The following NCKAP5 variants were observed in gnomAD, a reference collection of about 807,000 sequenced individuals.
The protein encoded by NCKAP5 is NCK associated protein 5.
NCKAP5 carries 92 observed loss-of-function variants against 167.0 expected under a neutral mutation model. That is an observed-to-expected ratio of 0.55 (90% CI 0.47 to 0.66). The LOEUF (loss-of-function observed/expected upper bound fraction) is 0.66. Ranked by LOEUF, NCKAP5 falls within the 30% of genes least tolerant of loss-of-function variation. The probability of loss-of-function intolerance (pLI) is 0.00; values close to 1 mark genes in which losing one functional copy is unlikely to be tolerated. For missense variants in NCKAP5, 2,378 were observed against 2,315.0 expected, an observed-to-expected ratio of 1.03 and a Z score of -0.56; for synonymous variants, 891 against 877.4, an observed-to-expected ratio of 1.02 and a Z score of -0.27.
intron 4 of NCKAP5, among the ~76,000 whole-genome samples, chr2:133,224,416 G>A (rs538565248): frequency 1.3e-5 from 2 of 152,192 alleles, no homozygotes; most frequent in Admixed American, 6.5e-5. Context: ...GAAACTAATC[G>A]CATGTTCCAG....
intron 8 of NCKAP5, among the ~76,000 whole-genome samples, chr2:132,888,517 G>A (rs1692432506): frequency 6.6e-6 from 1 of 151,966 alleles, no homozygotes; most frequent in African/African-American, 2.4e-5. Flanking sequence ...AGCCTCCTGA[G>A]CAGCTGGGAC....
intron 3 of NCKAP5, among the ~76,000 whole-genome samples, chr2:133,312,232 T>C (rs1470412443): frequency 2.0e-5 from 3 of 152,174 alleles, no homozygotes; most frequent in Non-Finnish European, 2.9e-5. Context: ...CATGAGACCA[T>C]TGAAAAGCCT....
chr2:133,504,555 C>A (rs943136416), intron 3 of NCKAP5, among the ~76,000 whole-genome samples: 3 of 152,032 alleles, frequency 2.0e-5, no homozygotes, highest in Non-Finnish European at 4.4e-5. Context: ...ACACTGACTT[C>A]CAATCATGCA....
chr2:133,189,676 A>G (rs937812098), intron 5 of NCKAP5, among the ~76,000 whole-genome samples: 2 of 152,242 alleles, frequency 1.3e-5, no homozygotes, highest in African/African-American at 4.8e-5. Context: ...AGAACAAAAG[A>G]CAAAAATCAC....
At chr2:132,760,893 C>T (rs1680946938) in intron 16 of NCKAP5, among the ~76,000 whole-genome samples, 1 of 152,174 alleles carries the variant, frequency 6.6e-6, no homozygotes, top group Non-Finnish European at 1.5e-5. Context: ...CTTTCAGTTT[C>T]TTCTCTGGAG....
chr2:132,730,705 G>C (rs1314102476), intron 17 of NCKAP5, among the ~76,000 whole-genome samples: 1 of 152,216 alleles, frequency 6.6e-6, no homozygotes, highest in Admixed American at 6.5e-5. Context: ...TTCAGGCATG[G>C]AGTACACAAC....
At chr2:133,560,018 A>T (rs2105012735) in intron 1 of NCKAP5, among the ~76,000 whole-genome samples, 1 of 152,330 alleles carries the variant, frequency 6.6e-6, no homozygotes, top group East Asian at 1.9e-4. Flanking sequence ...ATACCTATAG[A>T]GCCCCCATTG....
At chr2:132,841,200 C>T (rs907618345) in intron 11 of NCKAP5, among the ~76,000 whole-genome samples, 1 of 151,588 alleles carries the variant, frequency 6.6e-6, no homozygotes, top group Non-Finnish European at 1.5e-5. Flanking sequence ...CTTCCAAAAC[C>T]ATGTTAAAAT....
At chr2:133,504,924 A>G (rs1216050164) in intron 3 of NCKAP5, among the ~76,000 whole-genome samples, 2 of 152,088 alleles carry the variant, frequency 1.3e-5, no homozygotes, top group Non-Finnish European at 2.9e-5. Context: ...CCCAAAACTC[A>G]TCTCCCACTG....
At chr2:133,419,474 T>A (rs1287460223) in intron 3 of NCKAP5, among the ~76,000 whole-genome samples, 2 of 152,190 alleles carry the variant, frequency 1.3e-5, no homozygotes, top group Non-Finnish European at 2.9e-5. Flanking sequence ...AAGACATGGT[T>A]AGGTGAGCCA....
intron 4 of NCKAP5, among the ~76,000 whole-genome samples, chr2:133,221,904 C>G (rs1262163071): frequency 2.0e-5 from 3 of 152,160 alleles, no homozygotes; most frequent in Non-Finnish European, 4.4e-5. Context: ...TTGTTCAGCA[C>G]CATGGTCTGC....
chr2:133,156,295 A>C (rs565730693), intron 5 of NCKAP5, among the ~76,000 whole-genome samples: 8 of 152,276 alleles, frequency 5.3e-5, no homozygotes, highest in African/African-American at 1.4e-4. Flanking sequence ...ACCCAGACGC[A>C]TAAGCTCAGC....
At chr2:133,601,434 T>A in the NCKAP5 span, among the ~76,000 whole-genome samples, 1 of 152,186 alleles carries the variant, frequency 6.6e-6, no homozygotes, top group African/African-American at 2.4e-5. Flanking sequence ...CCCAATTTTT[T>A]AAAATTCTAC....
chr2:133,281,570 T>A (rs2089937098), intron 4 of NCKAP5, among the ~76,000 whole-genome samples: 1 of 152,196 alleles, frequency 6.6e-6, no homozygotes, highest in East Asian at 1.9e-4. Flanking sequence ...TAATGAAAGC[T>A]GAAATTGATA....
intron 8 of NCKAP5, among the ~76,000 whole-genome samples, chr2:132,884,710 C>A (rs191008798): frequency 2.0e-5 from 3 of 152,090 alleles, no homozygotes; most frequent in East Asian, 3.9e-4. Context: ...GCCAGCAGTA[C>A]AAGGGATAAT....
intron 6 of NCKAP5, among the ~76,000 whole-genome samples, chr2:133,125,245 G>C (rs944753900): frequency 7.1e-6 from 1 of 139,992 alleles, no homozygotes; most frequent in African/African-American, 2.7e-5. Context: ...GTAAATCACT[G>C]TTATTTCAAC....
chr2:133,205,344 G>C (rs1375297684), intron 5 of NCKAP5, among the ~76,000 whole-genome samples: 2 of 127,604 alleles, frequency 1.6e-5, no homozygotes, highest in African/African-American at 5.6e-5. Context: ...AAGATAGATA[G>C]ACAGGCAGAC....
intron 3 of NCKAP5, among the ~76,000 whole-genome samples, chr2:133,348,165 C>T (rs541553412): frequency 1.3e-5 from 2 of 152,222 alleles, no homozygotes; most frequent in East Asian, 1.9e-4. Context: ...GAGTGTCTGC[C>T]GCTCAAGTTA....
chr2:133,299,479 G>T (rs1181883104), intron 4 of NCKAP5, among the ~76,000 whole-genome samples: 3 of 152,092 alleles, frequency 2.0e-5, no homozygotes, highest in Non-Finnish European at 4.4e-5. Flanking sequence ...GGGCCCGGGG[G>T]CTCACACCTG....
Sources: allele counts gnomAD v4.1 joint callset (sites outside exome capture counted in the v4.1 genomes callset), GRCh38; gene constraint gnomAD v4.1.1; transcripts MANE v1.5; gene names NCBI Gene and HGNC (gene_info 2026-07-23, HGNC 2026-07-21).